CLSTN1: variants seen among roughly 807,000 people sequenced by gnomAD.
The protein encoded by CLSTN1 is calsyntenin-1.
In CLSTN1, 28 loss-of-function variants were observed where a neutral mutation model predicts 108.3. The observed-to-expected ratio is 0.26, with a 90% CI of 0.19 to 0.35. The LOEUF (loss-of-function observed/expected upper bound fraction) is 0.35. CLSTN1 is among the 10% of genes least tolerant of loss of function. CLSTN1 has a pLI of 1.00. For synonymous variants in CLSTN1, 524 were observed against 534.9 expected, an observed-to-expected ratio of 0.98 and a Z score of 0.28; for missense variants, 1,157 against 1,302.6, an observed-to-expected ratio of 0.89 and a Z score of 1.72.
intron 10 of CLSTN1, among the ~76,000 whole-genome samples, chr1:9,737,910 G>T (rs1295494189): frequency 1.3e-5 from 2 of 152,194 alleles, no homozygotes; most frequent in Non-Finnish European, 2.9e-5. Flanking sequence ...AGCCTGGGCT[G>T]CAATGCTGCT....
intron 1 of CLSTN1, among the ~76,000 whole-genome samples, chr1:9,797,354 G>A (rs533688193): frequency 1.3e-5 from 2 of 152,254 alleles, no homozygotes; most frequent in East Asian, 3.9e-4. Flanking sequence ...AATCAATCAG[G>A]CTGGCCATGG....
At chr1:9,810,163 A>C (rs1398158636) in intron 1 of CLSTN1, among the ~76,000 whole-genome samples, 5 of 108,724 alleles carry the variant, frequency 4.6e-5, no homozygotes, top group African/African-American at 1.4e-4. Flanking sequence ...GGAGGGGAGG[A>C]AGGGAGGGAA....
intron 7 of CLSTN1, among the ~76,000 whole-genome samples, chr1:9,748,649 G>A (rs770076675): frequency 2.4e-4 from 36 of 152,126 alleles, no homozygotes; most frequent in South Asian, 1.5e-3. Flanking sequence ...CGCCATGCCC[G>A]GCTAGTTTTT....
chr1:9,788,002 C>T (rs1480671907), intron 1 of CLSTN1, among the ~76,000 whole-genome samples: 1 of 151,392 alleles, frequency 6.6e-6, no homozygotes, highest in Non-Finnish European at 1.5e-5. Context: ...AACCTGTAAT[C>T]CCAGCACTTT....
Position 9,823,255 on chromosome 1 carries a change from G to A in CLSTN1, c.91+388C>T, listed in dbSNP as rs553454667. 6.6e-6 allele frequency among the ~76,000 whole-genome samples: 1 copy of A among 152,308 alleles called. No homozygotes were observed. Among genetic ancestry groups the A allele is most frequent in the Admixed American group, 6.5e-5 (1 of 15,304 alleles). ...ACCCAGGGGTGCAGCCCCAGCCTGC[G>A]TGCGCCGCTGAGCAGGGCGGACTGA... On this transcript the variant is annotated intron_variant, in intron 1 of 18. Coordinates refer to ENST00000377298, the MANE Select transcript of CLSTN1 (RefSeq NM_001009566.3). This position sits in a 1 kb window ranked among gnomAD's most constrained non-coding sequence, Gnocchi z 6.3.
intron 1 of CLSTN1, among the ~76,000 whole-genome samples, chr1:9,798,974 A>C (rs1429024925): frequency 1.3e-5 from 2 of 152,118 alleles, no homozygotes; most frequent in Non-Finnish European, 1.5e-5. Context: ...TGAGCCCAGG[A>C]GTTTGAGCCC....
intron 7 of CLSTN1, among the ~76,000 whole-genome samples, chr1:9,744,987 C>T (rs1310693687): frequency 3.3e-5 from 5 of 152,208 alleles, no homozygotes; most frequent in African/African-American, 4.8e-5. Context: ...CTCCTGACCT[C>T]GTGATCCGCC....
rs902636997 is a variant in CLSTN1, at chr1:9,736,039, C to T, written c.1580G>A (p.Gly527Asp). 9.3e-6 allele frequency: 15 copies of T among 1,614,032 alleles called. No individual in the cohort carries two copies. Among genetic ancestry groups the T allele is most frequent in the African/African-American group, 1.3e-5 (1 of 74,916 alleles). The part of the protein sequence containing the change: ...TEPVTVASAG[G>D]DLHMTQFFRG... ...GAAAAACTGGGTCATGTGCAGGTCG[C>T]CACCTTTGGGTCAGGGGAGAAAAGG... The change falls in exon 12 of 19, where the codon GGC becomes GAC. Residue 527 changes from glycine to aspartate, a missense_variant. By Grantham distance (94) the Gly-to-Asp change is moderately conservative. Coordinates refer to ENST00000377298, the MANE Select transcript of CLSTN1 (RefSeq NM_001009566.3).
chr1:9,813,410 A>G (rs1270286005), intron 1 of CLSTN1, among the ~76,000 whole-genome samples: 5 of 151,774 alleles, frequency 3.3e-5, no homozygotes, highest in Admixed American at 3.3e-4. Flanking sequence ...GAGGCACGAG[A>G]ATTGCTTCCA....
chr1:9,773,371 C>T lies in CLSTN1; in HGVS notation c.115G>A (p.Glu39Lys), dbSNP rs764231960. 1 of 1,613,504 alleles carries T rather than the reference C, an allele frequency of 6.2e-7. No individual in the cohort carries two copies. Among genetic ancestry groups the T allele is most frequent in the South Asian group, 1.1e-5 (1 of 91,030 alleles). ...GTGACTATGCCGTGGTAGGTGGGCT[C>T]CAGCCAGGGCTTGTGCTTGTTAACT... The part of the protein sequence containing the change: ...ARVNKHKPWL[E>K]PTYHGIVTEN... Residue 39 changes from glutamate to lysine, a missense_variant, in exon 2 of 19, where the codon GAG becomes AAG. Glu to Lys is a moderately conservative substitution (Grantham distance 56). Coordinates refer to ENST00000377298, the MANE Select transcript of CLSTN1 (RefSeq NM_001009566.3).
At chr1:9,735,197 G>T in intron 13 of CLSTN1, 23 bp from the exon 14 acceptor site, 4 of 1,611,634 alleles carry the variant, frequency 2.5e-6, no homozygotes, top group South Asian at 1.1e-5. Flanking sequence ...AATGGGGAAG[G>T]GTCAGGGCTT....
At position 9,731,817 on chromosome 1, in the gene CLSTN1, T is replaced by C; in HGVS notation, c.2507A>G (p.His836Arg). The C allele has an allele frequency of 6.2e-7, 1 of 1,614,044 alleles. No individual in the cohort carries two copies. Among genetic ancestry groups the C allele is most frequent in the Admixed American group, 1.7e-5 (1 of 60,004 alleles). The change falls in exon 17 of 19, where the codon CAC (histidine) becomes CGC (arginine). Residue 836 changes from histidine to arginine, a missense_variant. His to Arg is a conservative substitution (Grantham distance 29). Coordinates refer to ENST00000377298, the MANE Select transcript of CLSTN1 (RefSeq NM_001009566.3). ...AAQPQFVHPE[H>R]RSFVDLSGHN... ...GCCTGACAGGTCAACAAAGGAGCGG[T>C]GTTCCGGGTGCACGAACTGTGGCTG...
intron 13 of CLSTN1, 24 bp downstream of exon 13, chr1:9,735,443 C>T (rs779932839): frequency 6.8e-6 from 11 of 1,613,964 alleles, no homozygotes; most frequent in East Asian, 4.5e-5. Flanking sequence ...CAAAACAGGC[C>T]GGCTGTTAAA....
At chr1:9,810,468 T>C (rs937259966) in intron 1 of CLSTN1, among the ~76,000 whole-genome samples, 6 of 143,464 alleles carry the variant, frequency 4.2e-5, no homozygotes, top group African/African-American at 1.6e-4. Flanking sequence ...AGAATGAGAC[T>C]CTGTCTCAAA....
At chr1:9,785,514 A>T (rs574709801) in intron 1 of CLSTN1, among the ~76,000 whole-genome samples, 1 of 152,132 alleles carries the variant, frequency 6.6e-6, no homozygotes, top group Non-Finnish European at 1.5e-5. Flanking sequence ...GGGCCAGACA[A>T]TGTTTAGCTG....
intron 4 of CLSTN1, among the ~76,000 whole-genome samples, chr1:9,752,067 T>A (rs769310241): frequency 1.2e-4 from 19 of 152,030 alleles, no homozygotes; most frequent in Non-Finnish European, 2.2e-4. Flanking sequence ...ACATATTTTG[T>A]AGCAAAATCC....
rs146659582 is a variant in CLSTN1 at position 9,740,960 on chromosome 1, C to T, written c.1519+134G>A. ...CGGCAGTGTCCCCAAAAAGGCTGTA[C>T]ACAGGAAATGGAAGGAAAAGATCCA... On this transcript the variant is annotated intron_variant, in intron 10 of 18. Coordinates refer to ENST00000377298, the MANE Select transcript of CLSTN1 (RefSeq NM_001009566.3). 5.5e-5 allele frequency: 55 copies of T among 993,190 alleles called. No homozygotes were observed. The East Asian group carries it at 1.3e-3, about 24-fold the overall frequency. The allele number at this position is 993,190 out of a possible 1,614,324, so 61.5% of individuals were successfully genotyped here.
intron 2 of CLSTN1, among the ~76,000 whole-genome samples, chr1:9,756,961 G>A (rs1651845053): frequency 6.6e-6 from 1 of 151,734 alleles, no homozygotes; most frequent in South Asian, 2.1e-4. Context: ...TGTATTTTTA[G>A]TAGAGACAGG....
chr1:9,818,995 C>T (rs1411003476), intron 1 of CLSTN1, among the ~76,000 whole-genome samples: 3 of 151,352 alleles, frequency 2.0e-5, no homozygotes, highest in African/African-American at 4.9e-5. Context: ...GGGGTTTCAC[C>T]GTGTTAGCCA....
Sources: allele counts gnomAD v4.1 joint callset (sites outside exome capture counted in the v4.1 genomes callset), GRCh38; gene constraint gnomAD v4.1.1; non-coding constraint Gnocchi (gnomAD v3.1); transcripts MANE v1.5; gene names NCBI Gene and HGNC (gene_info 2026-07-23, HGNC 2026-07-21).